ATP13A3: variants seen among roughly 807,000 people sequenced by gnomAD.
ATP13A3 encodes polyamine-transporting ATPase 13A3.
ATP13A3 carries 59 observed loss-of-function variants against 158.1 expected under a neutral mutation model. The ratio of observed to expected loss-of-function variants is 0.37; its 90% CI spans 0.30 to 0.46. The LOEUF (loss-of-function observed/expected upper bound fraction) is 0.46, where lower values mean the gene tolerates loss of function less well. ATP13A3 is among the 20% of genes least tolerant of loss of function. ATP13A3 has a pLI of 1.00. For missense variants in ATP13A3, 1,166 were observed against 1,525.2 expected (o/e 0.76, Z 3.92); for synonymous variants, 491 against 504.3 (o/e 0.97, Z 0.35).
At chr3:194,470,359 C>T (rs1720248177) in intron 2 of ATP13A3, among the ~76,000 whole-genome samples, 1 of 152,016 alleles carries the variant, frequency 6.6e-6, no homozygotes, top group Admixed American at 6.6e-5. Flanking sequence ...ACATAATTAC[C>T]TGTATTAGGA....
chr3:194,463,744 C>A (rs979872929), intron 2 of ATP13A3, among the ~76,000 whole-genome samples: 19 of 152,260 alleles, frequency 1.2e-4, no homozygotes, highest in African/African-American at 4.6e-4. Context: ...GTAACAATAC[C>A]TATTTATTTT....
intron 33 of ATP13A3, among the ~76,000 whole-genome samples, chr3:194,409,548 G>A (rs9839826): frequency 0.14 from 21,091 of 151,992 alleles, 2,090 homozygotes; most frequent in African/African-American, 0.27. Flanking sequence ...GAGAAGATAC[G>A]ACACAGATCT....
intron 6 of ATP13A3, among the ~76,000 whole-genome samples, chr3:194,458,201 T>A (rs1577076886): frequency 6.6e-6 from 1 of 152,276 alleles, no homozygotes; most frequent in East Asian, 1.9e-4. Flanking sequence ...CTAAGCTTCA[T>A]AATTCACTTC....
In ATP13A3 at chr3:194,430,208, G is replaced by C. The variant is rs763631011; in HGVS notation, c.2668-27C>G. ...TAATAATTTTAAGAAAACTGGTTAA[G>C]TTTTGTGAATATGATTTAGGCTAGA... On this transcript the variant is annotated intron_variant, in intron 25 of 33. Coordinates refer to ENST00000645319, the MANE Select transcript of ATP13A3 (RefSeq NM_001367549.1). The C allele has an allele frequency of 6.8e-6, 11 of 1,613,524 alleles. No individual in the cohort carries two copies. In the South Asian group the frequency reaches 1.2e-4, roughly 18 times the overall value.
At chr3:194,481,107 A>G (rs1166795014) in intron 2 of ATP13A3, among the ~76,000 whole-genome samples, 1 of 152,208 alleles carries the variant, frequency 6.6e-6, no homozygotes, top group Admixed American at 6.5e-5. Flanking sequence ...CCCCATGAGC[A>G]GTGATTGCAC....
chr3:194,465,106 C>T (rs73071167), intron 2 of ATP13A3, among the ~76,000 whole-genome samples: 1 of 152,072 alleles, frequency 6.6e-6, no homozygotes, highest in Non-Finnish European at 1.5e-5. Context: ...TTTCAAGGAA[C>T]TGGACATCAG....
chr3:194,419,569 G>C lies in ATP13A3; in HGVS notation c.3402+310C>G, dbSNP rs1293629165. On this transcript the variant is annotated intron_variant, in intron 31 of 33. Coordinates refer to ENST00000645319, the MANE Select transcript of ATP13A3 (RefSeq NM_001367549.1). Reference sequence around the variant, plus strand: ...CAAAACACAAAAGGGAGCATGTGTAGACTACTCAAGAAGTAGACTGGTAGA... The same window carrying C: ...CAAAACACAAAAGGGAGCATGTGTACACTACTCAAGAAGTAGACTGGTAGA... 2.0e-5 allele frequency among the ~76,000 whole-genome samples: 3 copies of C among 152,138 alleles called. No individual in the cohort carries two copies. In the East Asian group the frequency reaches 5.8e-4, roughly 29 times the overall value.
At position 194,448,685 on chromosome 3, in the gene ATP13A3, G is replaced by A. The variant is rs571594951; in HGVS notation, c.971-49C>T. 2.3e-4 allele frequency: 355 copies of A among 1,550,848 alleles called. 5 individuals carry two copies. In the East Asian group the frequency reaches 6.4e-3, roughly 28 times the overall value. On this transcript the variant is annotated intron_variant, in intron 11 of 33. Coordinates refer to ENST00000645319, the MANE Select transcript of ATP13A3 (RefSeq NM_001367549.1). This position sits in a 1 kb window ranked among gnomAD's most constrained non-coding sequence, Gnocchi z 4.0. ...AAAAACAGTTTACAAATTATTAAAC[G>A]AAAGCACAGGAATCAGTATCGAACA...
chr3:194,460,878 G>C, intron 3 of ATP13A3, 47 bp from the exon 4 acceptor site: 3 of 1,555,352 alleles, frequency 1.9e-6, no homozygotes, highest in South Asian at 1.2e-5. Context: ...ATGATAAAAT[G>C]ATATGGCAGA....
At chr3:194,491,433 C>A (rs1721143779), upstream of ATP13A3, among the ~76,000 whole-genome samples, 1 of 152,130 alleles carries the variant, frequency 6.6e-6, no homozygotes, top group Non-Finnish European at 1.5e-5. Flanking sequence ...CATTTCAAAT[C>A]CTTCCCCATT....
chr3:194,437,958 G>A (rs12490733), intron 17 of ATP13A3, among the ~76,000 whole-genome samples: 4,860 of 152,208 alleles, frequency 0.032, 353 homozygotes, highest in Admixed American at 0.18. Flanking sequence ...GCAGGAGATC[G>A]AGACCAGACT....
chr3:194,444,960 C>G (rs909995507), intron 14 of ATP13A3, among the ~76,000 whole-genome samples, 174 bp from the exon 15 acceptor site: 1 of 151,996 alleles, frequency 6.6e-6, no homozygotes, highest in Non-Finnish European at 1.5e-5. Context: ...AGAATGGCTT[C>G]CAGGACATAT....
chr3:194,478,793 T>C (rs1211583803), intron 2 of ATP13A3, among the ~76,000 whole-genome samples: 1 of 152,170 alleles, frequency 6.6e-6, no homozygotes, highest in Non-Finnish European at 1.5e-5. Context: ...ACTTGTGCAA[T>C]GCAACAGCAC....
chr3:194,446,075 T>C (rs1718380886), intron 14 of ATP13A3, among the ~76,000 whole-genome samples: 1 of 152,218 alleles, frequency 6.6e-6, no homozygotes, highest in African/African-American at 2.4e-5. Context: ...ACGTAATCTT[T>C]ACTGCTACTA....
intron 20 of ATP13A3, among the ~76,000 whole-genome samples, chr3:194,435,209 C>T (rs76672451): frequency 0.016 from 2,397 of 152,272 alleles, 47 homozygotes; most frequent in East Asian, 0.07. Context: ...CTGGTTTTAA[C>T]AGCAGGAAAA....
In ATP13A3 at chr3:194,405,484, CTTT is replaced by C. The variant is rs1714868020; in HGVS notation, c.*432_*434del. Reference sequence around the variant, plus strand: ...CTGGAGGCTAATTAACACTCATCTTCTTTTTATCAATCACAAACTTACAGCCTG... The same window carrying C: ...CTGGAGGCTAATTAACACTCATCTTCTTATCAATCACAAACTTACAGCCTG... On this transcript the variant is annotated 3_prime_UTR_variant, in exon 34 of 34. Transcript: ENST00000645319. The C allele has an allele frequency of 1.3e-5, 2 of 158,412 alleles. No homozygotes were observed. Among genetic ancestry groups the C allele is most frequent in the Non-Finnish European group, 1.4e-5 (1 of 71,842 alleles). The allele number at this position is 158,412 out of a possible 1,614,324, so 9.8% of individuals were successfully genotyped here. A position where few individuals can be genotyped will look rare whatever the true frequency, so the allele number is the denominator to read the frequency against.
chr3:194,423,074 G>T (rs1716505675), intron 30 of ATP13A3, among the ~76,000 whole-genome samples: 1 of 152,022 alleles, frequency 6.6e-6, no homozygotes. Context: ...ACAAGAAACT[G>T]CATTAAAAAT....
upstream of ATP13A3, chr3:194,488,178 C>G (rs1284169368): frequency 6.6e-6 from 1 of 152,352 alleles, no homozygotes; most frequent in Non-Finnish European, 1.5e-5. This position sits in a 1 kb window ranked among gnomAD's most constrained non-coding sequence, Gnocchi z 4.1. Context: ...CTGGCCTCAC[C>G]GTTTTGTTTC....
intron 21 of ATP13A3, among the ~76,000 whole-genome samples, chr3:194,433,018 T>C (rs971793214): frequency 6.6e-6 from 1 of 152,100 alleles, no homozygotes; most frequent in Non-Finnish European, 1.5e-5. Context: ...CGAATATCTA[T>C]TAATCATTTT....
Sources: allele counts gnomAD v4.1 joint callset (sites outside exome capture counted in the v4.1 genomes callset), GRCh38; gene constraint gnomAD v4.1.1; non-coding constraint Gnocchi (gnomAD v3.1); transcripts MANE v1.5; gene names NCBI Gene and HGNC (gene_info 2026-07-23, HGNC 2026-07-21).